Variants in FTCDNL1 observed in about 807,000 individuals in gnomAD.
The protein encoded by FTCDNL1 is formiminotransferase N-terminal subdomain-containing protein.
A neutral mutation model predicts 5.9 loss-of-function variants in FTCDNL1; 11 were observed. That is an observed-to-expected ratio of 1.87 (90% CI 1.18 to 3.10). The LOEUF is 3.10. FTCDNL1 is among the 30% of genes most tolerant of loss of function. FTCDNL1 has a pLI of 0.00. For synonymous variants in FTCDNL1, 58 were observed against 24.8 expected, an observed-to-expected ratio of 2.34 and a Z score of -3.99; for missense variants, 115 against 65.5, an observed-to-expected ratio of 1.76 and a Z score of -2.61.
At chr2:199,758,881 G>C (rs944999217), downstream of FTCDNL1, among the ~76,000 whole-genome samples, 1 of 152,146 alleles carries the variant, frequency 6.6e-6, no homozygotes, top group African/African-American at 2.4e-5. Context: ...TGTACTGGAG[G>C]GAAAATGAAA....
the FTCDNL1 span, among the ~76,000 whole-genome samples, chr2:199,723,539 T>C: frequency 1.3e-5 from 2 of 152,064 alleles, no homozygotes; most frequent in South Asian, 2.1e-4. Flanking sequence ...ATGGCTCTTA[T>C]TGTTTTGAAA....
At chr2:199,674,082 C>T in the FTCDNL1 span, among the ~76,000 whole-genome samples, 6 of 152,040 alleles carry the variant, frequency 3.9e-5, no homozygotes, top group African/African-American at 1.2e-4. Flanking sequence ...CAGGAAGTCC[C>T]GATGTACCAT....
intron 3 of FTCDNL1, among the ~76,000 whole-genome samples, chr2:199,785,249 C>CGTTTTTTTT (rs535762570): frequency 3.9e-5 from 3 of 76,864 alleles, no homozygotes; most frequent in African/African-American, 1.1e-4. Context: ...TTCCAAATTC[C>CGTTTTTTTT]TTTTTTTTTT....
At chr2:199,677,714 G>A in the FTCDNL1 span, among the ~76,000 whole-genome samples, 1 of 152,154 alleles carries the variant, frequency 6.6e-6, no homozygotes, top group Non-Finnish European at 1.5e-5. Context: ...ATATAACCAA[G>A]GTCACAAATT....
the FTCDNL1 span, among the ~76,000 whole-genome samples, chr2:199,748,571 C>T: frequency 2.6e-4 from 39 of 152,278 alleles, no homozygotes; most frequent in African/African-American, 8.9e-4. Flanking sequence ...ACCTGAGCCC[C>T]TCTGCCTGAG....
At chr2:199,807,753 T>C (rs1700805037), downstream of FTCDNL1, among the ~76,000 whole-genome samples, 3 of 152,248 alleles carry the variant, frequency 2.0e-5, no homozygotes, top group South Asian at 6.2e-4. Flanking sequence ...AAACCTCATC[T>C]GGAGCACTAC....
intron 3 of FTCDNL1, among the ~76,000 whole-genome samples, chr2:199,803,522 T>C (rs899054867): frequency 9.9e-5 from 15 of 152,170 alleles, no homozygotes; most frequent in Admixed American, 8.5e-4. Flanking sequence ...GAGGATAGAA[T>C]GGCAAAATTA....
chr2:199,759,886 C>G (rs764390241), downstream of FTCDNL1, among the ~76,000 whole-genome samples: 38 of 152,136 alleles, frequency 2.5e-4, no homozygotes, highest in Non-Finnish European at 4.4e-5. Flanking sequence ...CCACACCATC[C>G]TAGCAGAATG....
chr2:199,701,970 G>T, the FTCDNL1 span, among the ~76,000 whole-genome samples: 1 of 152,156 alleles, frequency 6.6e-6, no homozygotes, highest in Admixed American at 6.5e-5. Flanking sequence ...GGAGGGTGGA[G>T]GTTGCAATGA....
chr2:199,806,748 AC>A (rs569579964), downstream of FTCDNL1, among the ~76,000 whole-genome samples: 184 of 151,220 alleles, frequency 1.2e-3, no homozygotes, highest in African/African-American at 4.0e-3. Flanking sequence ...ACCAATGACA[AC>A]TCCCCCTCTC....
chr2:199,747,449 TCA>T, the FTCDNL1 span, among the ~76,000 whole-genome samples: 1 of 152,182 alleles, frequency 6.6e-6, no homozygotes, highest in Non-Finnish European at 1.5e-5. Flanking sequence ...GTGTTCACAC[TCA>T]CAGAGGGTTT....
the FTCDNL1 span, among the ~76,000 whole-genome samples, chr2:199,677,513 G>A: frequency 1.3e-5 from 2 of 152,168 alleles, no homozygotes; most frequent in African/African-American, 2.4e-5. Context: ...TTGAAAAGTA[G>A]TTTAGAGGAA....
chr2:199,692,560 T>C, the FTCDNL1 span, among the ~76,000 whole-genome samples: 1 of 152,188 alleles, frequency 6.6e-6, no homozygotes, highest in Non-Finnish European at 1.5e-5. Flanking sequence ...TTCCATCCAA[T>C]GGCCTTGTTG....
downstream of FTCDNL1, among the ~76,000 whole-genome samples, chr2:199,807,412 C>A (rs1428620298): frequency 6.6e-6 from 1 of 151,990 alleles, no homozygotes; most frequent in South Asian, 2.1e-4. Flanking sequence ...CCGAGGTGGG[C>A]AGATCACCTG....
the FTCDNL1 span, among the ~76,000 whole-genome samples, chr2:199,746,576 G>C: frequency 2.8e-4 from 42 of 151,834 alleles, no homozygotes; most frequent in African/African-American, 9.9e-4. Context: ...AAAAGCAATA[G>C]GCTTTGTTAA....
At chr2:199,768,336 G>A (rs999980708) in intron 3 of FTCDNL1, among the ~76,000 whole-genome samples, 7 of 151,860 alleles carry the variant, frequency 4.6e-5, no homozygotes, top group Admixed American at 1.3e-4. Flanking sequence ...ATATTCCCCC[G>A]TGAGTTATTA....
chr2:199,772,421 C>T (rs1698858978), intron 3 of FTCDNL1, among the ~76,000 whole-genome samples: 1 of 152,160 alleles, frequency 6.6e-6, no homozygotes, highest in African/African-American at 2.4e-5. Context: ...TTTCTGGGCA[C>T]TTAACTCTAG....
the FTCDNL1 span, among the ~76,000 whole-genome samples, chr2:199,695,484 TA>T: frequency 6.6e-6 from 1 of 152,092 alleles, no homozygotes; most frequent in Non-Finnish European, 1.5e-5. Context: ...AAATATCTCT[TA>T]ATAATAAAAA....
intron 3 of FTCDNL1, among the ~76,000 whole-genome samples, chr2:199,774,026 T>G (rs1698941267): frequency 6.6e-6 from 1 of 152,226 alleles, no homozygotes; most frequent in Non-Finnish European, 1.5e-5. Flanking sequence ...GTCCCTGGAA[T>G]GTAGTCAGCT....
Sources: gnomAD v4.1 joint callset for allele counts (sites outside exome capture counted in the v4.1 genomes callset) on GRCh38, gnomAD v4.1.1 for gene constraint, MANE v1.5 for transcripts, NCBI Gene and HGNC (gene_info 2026-07-23, HGNC 2026-07-21) for gene names.